CACNA1C: variants seen among roughly 807,000 people sequenced by gnomAD.
The protein encoded by CACNA1C is calcium voltage-gated channel subunit alpha1 C.
CACNA1C carries 30 observed loss-of-function variants against 229.0 expected under a neutral mutation model. The observed-to-expected ratio is 0.13, with a 90% CI of 0.10 to 0.18. The LOEUF is 0.18. Among genes scored for constraint, CACNA1C ranks in the 10% least tolerant of loss-of-function variants. CACNA1C has a pLI of 1.00. For synonymous variants in CACNA1C, 1,114 were observed against 1,132.5 expected (o/e 0.98, Z 0.33); for missense variants, 1,658 against 2,845.0 (o/e 0.58, Z 9.49).
At chr12:2,492,914 A>G (rs2099739193) in intron 6 of CACNA1C, among the ~76,000 whole-genome samples, 1 of 152,222 alleles carries the variant, frequency 6.6e-6, no homozygotes, top group African/African-American at 2.4e-5. Flanking sequence ...TGGGCAATAG[A>G]AATCAATTAC....
rs58411337 is a variant in CACNA1C, at chr12:2,593,044, G to A, written c.2531-169G>A. Among the ~76,000 whole-genome samples, 6,601 of 152,244 alleles carry A rather than the reference G, an allele frequency of 0.043. 494 individuals are homozygous for A. The highest frequency in any genetic ancestry group is 0.15 in the African/African-American group (6,223 of 41,516). On this transcript the variant is annotated intron_variant, in intron 18 of 46. Transcript: ENST00000399655. ...TGCACTGCCAGATACGACTTCTCCA[G>A]CAGAGATGAGCTGCAGCAGCACCCA...
Position 2,354,022 on chromosome 12 carries a change from C to G in CACNA1C, c.478-94954C>G, listed in dbSNP as rs2097282747. ...TCACACAGGTTAGAGGAAGGAGAAT[C>G]TGGAGACAAATGCCTGCCCAGCGAC... On this transcript the variant is annotated intron_variant, in intron 3 of 46. Coordinates refer to ENST00000399655, the MANE Select transcript of CACNA1C (RefSeq NM_000719.7). The surrounding 1 kb of genome is among the most constrained non-coding windows in gnomAD (Gnocchi z 4.6). Among the ~76,000 whole-genome samples, 1 of 152,194 alleles carries G rather than the reference C, an allele frequency of 6.6e-6. No individual in the cohort carries two copies.
intron 3 of CACNA1C, among the ~76,000 whole-genome samples, chr12:2,337,057 G>T (rs1025161704): frequency 1.3e-5 from 2 of 152,168 alleles, no homozygotes; most frequent in East Asian, 3.9e-4. Context: ...AGCTGGCTAC[G>T]TCCTCGGTCC....
At chr12:2,674,129 A>G (rs2096680806) in intron 38 of CACNA1C, among the ~76,000 whole-genome samples, 1 of 152,228 alleles carries the variant, frequency 6.6e-6, no homozygotes, top group African/African-American at 2.4e-5. Flanking sequence ...AATGCCACCC[A>G]TGGGGACCAG....
At chr12:2,487,487 G>A (rs970433018) in intron 6 of CACNA1C, among the ~76,000 whole-genome samples, 1 of 148,204 alleles carries the variant, frequency 6.7e-6, no homozygotes, top group Admixed American at 6.8e-5. Flanking sequence ...GGCATTTCTA[G>A]TTTATTTCTA....
chr12:2,127,136 T>G (rs2090423587), intron 3 of CACNA1C, among the ~76,000 whole-genome samples: 1 of 152,266 alleles, frequency 6.6e-6, no homozygotes, highest in East Asian at 1.9e-4. Flanking sequence ...CCCTGAGCTT[T>G]GTGTGTCTCT....
intron 2 of CACNA1C, among the ~76,000 whole-genome samples, chr12:2,119,266 C>A (rs1400557659): frequency 6.6e-6 from 1 of 151,972 alleles, no homozygotes; most frequent in Non-Finnish European, 1.5e-5. Flanking sequence ...TTATGGTGGT[C>A]CCTTCACCCC....
intron 3 of CACNA1C, among the ~76,000 whole-genome samples, chr12:2,367,910 G>A (rs1189754105): frequency 1.3e-5 from 2 of 151,852 alleles, no homozygotes; most frequent in Non-Finnish European, 2.9e-5. Context: ...GCATTATCTT[G>A]ACAAAGATGT....
At chr12:2,395,020 T>G (rs1389953191) in intron 3 of CACNA1C, among the ~76,000 whole-genome samples, 1 of 152,120 alleles carries the variant, frequency 6.6e-6, no homozygotes, top group East Asian at 1.9e-4. Flanking sequence ...TTTATTTATT[T>G]ATTTACTTAT....
chr12:2,332,612 T>A (rs977005844), intron 3 of CACNA1C, among the ~76,000 whole-genome samples: 2 of 152,240 alleles, frequency 1.3e-5, no homozygotes, highest in African/African-American at 4.8e-5. Flanking sequence ...CTTATGACAG[T>A]GTGACTTCCA....
At position 2,115,375 on chromosome 12, in the gene CACNA1C, C is replaced by T. The variant is rs766851793; in HGVS notation, c.201C>T (p.Ser67=). ...CCCGGCAGGCTAAGCTGATGGGCAG[C>T]GCTGGCAATGCGACCATCTCCACAG... The part of the protein sequence containing the change: ...DAARQAKLMG[S]AGNATISTVS... The change falls in exon 2 of 47, where the codon AGC becomes AGT. Residue 67 remains serine, a synonymous_variant. Coordinates refer to ENST00000399655, the MANE Select transcript of CACNA1C (RefSeq NM_000719.7). 1.1e-5 allele frequency: 17 copies of T among 1,605,498 alleles called. No homozygotes were observed. The highest frequency in any genetic ancestry group is 1.7e-5 in the Admixed American group (1 of 58,878).
chr12:2,303,933 G>A (rs969324540), intron 3 of CACNA1C, among the ~76,000 whole-genome samples: 1 of 152,224 alleles, frequency 6.6e-6, no homozygotes, highest in African/African-American at 2.4e-5. Flanking sequence ...ACCCCAGTTC[G>A]TATCTGCACA....
chr12:2,449,282 GA>G (rs995137039), intron 4 of CACNA1C, among the ~76,000 whole-genome samples, 167 bp downstream of exon 4: 5 of 152,234 alleles, frequency 3.3e-5, no homozygotes, highest in African/African-American at 1.2e-4. Context: ...AACAGAAAGG[GA>G]AAGAGAGACT....
intron 3 of CACNA1C, among the ~76,000 whole-genome samples, chr12:2,298,091 C>T (rs1361502715): frequency 2.6e-5 from 4 of 152,204 alleles, no homozygotes; most frequent in African/African-American, 4.8e-5. Flanking sequence ...GGTTCAAATA[C>T]TCACATGTGC....
At chr12:2,153,055 A>C (rs552546565) in intron 3 of CACNA1C, among the ~76,000 whole-genome samples, 1 of 152,358 alleles carries the variant, frequency 6.6e-6, no homozygotes, top group South Asian at 2.1e-4. Flanking sequence ...ACTATGGCAG[A>C]GATCAGCAGA....
At chr12:2,274,118 G>A (rs1022886749) in intron 3 of CACNA1C, among the ~76,000 whole-genome samples, 8 of 152,180 alleles carry the variant, frequency 5.3e-5, no homozygotes, top group Admixed American at 3.9e-4. Flanking sequence ...CTAGAGCCTC[G>A]TGCCCTTATC....
At position 2,646,756 on chromosome 12, in the gene CACNA1C, GAGAGAGAGAGAA is replaced by G. The variant is rs369912845; in HGVS notation, c.3913-1707_3913-1696del. Among the ~76,000 whole-genome samples the G allele has an allele frequency of 0.07, 6,762 of 96,072 alleles. 165 individuals carry two copies. The highest frequency in any genetic ancestry group is 0.12 in the Middle Eastern group (23 of 188). 63.0% of individuals were successfully genotyped at this position (96,072 alleles called of 152,430 possible). A position where few individuals can be genotyped will look rare whatever the true frequency, so the allele number is the denominator to read the frequency against. ...TTCTTCTGTGCATGCCTGTATGAGA[GAGAGAGAGAGAA>G]AGAGAGAGAGAGAGAGAGAGAGTGT... On this transcript the variant is annotated intron_variant, in intron 30 of 46. Transcript: ENST00000399655. This position sits in a 1 kb window ranked among gnomAD's most constrained non-coding sequence, Gnocchi z 4.6.
intron 11 of CACNA1C, among the ~76,000 whole-genome samples, chr12:2,564,220 C>T (rs559405272): frequency 8.0e-4 from 122 of 152,244 alleles, no homozygotes; most frequent in African/African-American, 2.7e-3. Flanking sequence ...AGTTTCCTTA[C>T]GATATGATAC....
chr12:2,022,976 T>C (rs1361872731), intron 1 of CACNA1C, among the ~76,000 whole-genome samples: 2 of 152,154 alleles, frequency 1.3e-5, no homozygotes, highest in Admixed American at 6.5e-5. Context: ...GTGCAGCTTG[T>C]ACAGTCTCCC....
Sources: allele counts gnomAD v4.1 joint callset (sites outside exome capture counted in the v4.1 genomes callset), GRCh38; gene constraint gnomAD v4.1.1; non-coding constraint Gnocchi (gnomAD v3.1); transcripts MANE v1.5; gene names NCBI Gene and HGNC (gene_info 2026-07-23, HGNC 2026-07-21).